The following NUDCD1 variants were observed in gnomAD, a reference collection of about 807,000 sequenced individuals.
NUDCD1 encodes nudC domain-containing protein 1.
A neutral mutation model predicts 67.8 loss-of-function variants in NUDCD1; 60 were observed. The ratio of observed to expected loss-of-function variants is 0.88; its 90% CI spans 0.72 to 1.10. The LOEUF (loss-of-function observed/expected upper bound fraction) is 1.10, where lower values mean the gene tolerates loss of function less well. NUDCD1 is among the 50% of genes least tolerant of loss of function. NUDCD1 has a pLI of 0.00. For missense variants in NUDCD1, 643 were observed against 695.0 expected, an observed-to-expected ratio of 0.93 and a Z score of 0.84; for synonymous variants, 244 against 230.8, an observed-to-expected ratio of 1.06 and a Z score of -0.52.
At chr8:109,311,557 G>GTATATATATA (rs569380890) in intron 2 of NUDCD1, among the ~76,000 whole-genome samples, 8 of 62,666 alleles carry the variant, frequency 1.3e-4, no homozygotes, top group Admixed American at 3.0e-4. Flanking sequence ...AGAAACTGTG[G>GTATATATATA]TGTATATATA....
At chr8:109,285,386 G>A (rs185610545) in intron 5 of NUDCD1, among the ~76,000 whole-genome samples, 92 of 152,126 alleles carry the variant, frequency 6.0e-4, no homozygotes, top group African/African-American at 2.1e-3. Context: ...CAATATCCCC[G>A]ATGAACATAC....
At chr8:109,276,481 G>A (rs978883093) in intron 6 of NUDCD1, among the ~76,000 whole-genome samples, 2 of 152,056 alleles carry the variant, frequency 1.3e-5, no homozygotes, top group Admixed American at 1.3e-4. Flanking sequence ...TTATCAAATA[G>A]GACACGCAAA....
chr8:109,263,216 G>A (rs1186126854), intron 8 of NUDCD1, among the ~76,000 whole-genome samples: 1 of 152,032 alleles, frequency 6.6e-6, no homozygotes, highest in African/African-American at 2.4e-5. Flanking sequence ...AAAGAACTTT[G>A]TTCACACAGG....
rs565605587 is a variant in NUDCD1 at position 109,288,984 on chromosome 8, C to CT, written c.823+766dup. On this transcript the variant is annotated intron_variant, in intron 5 of 9. Transcript: ENST00000239690. ...TTCTGAAATTTCTTGTTAGTCTTTTCTTTTTTTTTTTTTGAGACAGTCTCG... is the reference window on the plus strand; with the variant it reads ...TTCTGAAATTTCTTGTTAGTCTTTTCTTTTTTTTTTTTTTGAGACAGTCTCG... Among the ~76,000 whole-genome samples, 677 of 143,446 alleles carry CT rather than the reference C, an allele frequency of 4.7e-3. 4 individuals carry two copies. Among genetic ancestry groups the CT allele is most frequent in the Admixed American group, 0.011 (153 of 14,360 alleles). 94.1% of individuals were successfully genotyped at this position (143,446 alleles called of 152,430 possible). A position where few individuals can be genotyped will look rare whatever the true frequency, so the allele number is the denominator to read the frequency against.
At position 109,281,179 on chromosome 8, in the gene NUDCD1, G is replaced by C. The variant is rs200566510; in HGVS notation, c.824-7C>G. ...TGCCAGTAATACAGAGGTTCTATTGGGAAAAGAAAAATGCATCATGTAATA... is the reference window on the plus strand; with the variant it reads ...TGCCAGTAATACAGAGGTTCTATTGCGAAAAGAAAAATGCATCATGTAATA... On this transcript the variant is annotated splice_region_variant and splice_polypyrimidine_tract_variant and intron_variant, in intron 5 of 9. Transcript: ENST00000239690. The C allele has an allele frequency of 5.0e-6, 8 of 1,586,070 alleles. No homozygotes were observed. In the East Asian group the frequency reaches 1.8e-4, roughly 36 times the overall value.
At chr8:109,276,440 A>C (rs1814290529) in intron 6 of NUDCD1, among the ~76,000 whole-genome samples, 1 of 152,226 alleles carries the variant, frequency 6.6e-6, no homozygotes, top group South Asian at 2.1e-4. Context: ...CCTGGAACAC[A>C]ACTGCAAGAA....
intron 2 of NUDCD1, among the ~76,000 whole-genome samples, chr8:109,307,518 C>T (rs1017769858): frequency 6.6e-6 from 1 of 152,146 alleles, no homozygotes; most frequent in Non-Finnish European, 1.5e-5. Context: ...TCTAGAAACA[C>T]ATCAAAACAG....
chr8:109,293,909 G>C (rs930751667), intron 3 of NUDCD1, among the ~76,000 whole-genome samples: 1 of 151,898 alleles, frequency 6.6e-6, no homozygotes, highest in African/African-American at 2.4e-5. Flanking sequence ...ACCAAAACAT[G>C]TTTTTTCTCA....
At chr8:109,264,751 T>C (rs895480875) in intron 8 of NUDCD1, among the ~76,000 whole-genome samples, 6 of 152,116 alleles carry the variant, frequency 3.9e-5, no homozygotes, top group African/African-American at 1.2e-4. Flanking sequence ...CAGTATCATA[T>C]TGCAAGAGAT....
chr8:109,277,840 T>A (rs979976873), intron 6 of NUDCD1, among the ~76,000 whole-genome samples: 3 of 152,160 alleles, frequency 2.0e-5, no homozygotes, highest in African/African-American at 7.2e-5. Flanking sequence ...CACATACACA[T>A]AAACATAATT....
chr8:109,320,498 T>A (rs1187052621), intron 2 of NUDCD1, among the ~76,000 whole-genome samples: 3 of 152,248 alleles, frequency 2.0e-5, no homozygotes, highest in Non-Finnish European at 4.4e-5. Context: ...ACAATTGCTG[T>A]TATCCTGTTC....
At chr8:109,289,995 A>G in intron 4 of NUDCD1, 62 bp from the exon 5 acceptor site, 2 of 721,310 alleles carry the variant, frequency 2.8e-6, no homozygotes, top group Non-Finnish European at 4.3e-6. Context: ...AAATATTCTG[A>G]TATTTAAAAA....
chr8:109,267,319 T>C (rs932798266), intron 8 of NUDCD1, among the ~76,000 whole-genome samples: 1 of 152,114 alleles, frequency 6.6e-6, no homozygotes. Context: ...TTGTTTTTAT[T>C]TGTGTGTCCA....
chr8:109,258,195 T>C (rs959740761), intron 8 of NUDCD1, among the ~76,000 whole-genome samples: 2 of 152,156 alleles, frequency 1.3e-5, no homozygotes, highest in Non-Finnish European at 2.9e-5. Context: ...AACTGATTTT[T>C]GCATATGGTA....
intron 8 of NUDCD1, among the ~76,000 whole-genome samples, chr8:109,263,076 A>AAC (rs1813909677): frequency 6.7e-6 from 1 of 150,112 alleles, no homozygotes; most frequent in Non-Finnish European, 1.5e-5. Context: ...AAAAAAAAAA[A>AAC]AAACCCTGAA....
chr8:109,282,958 A>G (rs112268543), intron 5 of NUDCD1, among the ~76,000 whole-genome samples: 3,153 of 152,270 alleles, frequency 0.021, 110 homozygotes, highest in African/African-American at 0.072. Flanking sequence ...CAAAATAGAC[A>G]CTCAGAAAAA....
intron 4 of NUDCD1, among the ~76,000 whole-genome samples, chr8:109,291,005 T>C (rs1014338918): frequency 1.3e-5 from 2 of 151,966 alleles, no homozygotes; most frequent in African/African-American, 4.8e-5. Flanking sequence ...GGGCCAAAAG[T>C]CCTACTTGAC....
intron 8 of NUDCD1, among the ~76,000 whole-genome samples, chr8:109,257,119 A>G (rs147990000): frequency 8.5e-5 from 13 of 152,278 alleles, no homozygotes; most frequent in Admixed American, 3.3e-4. Flanking sequence ...CTCATCACTG[A>G]TATCTGCATT....
intron 8 of NUDCD1, among the ~76,000 whole-genome samples, chr8:109,258,757 GCACTGAAGGCTTGA>G (rs1813797283): frequency 6.6e-6 from 1 of 152,066 alleles, no homozygotes; most frequent in Non-Finnish European, 1.5e-5. Context: ...GAATTCTACT[GCACTGAAGGCTTGA>G]CACTGTACAG....
Sources: allele counts gnomAD v4.1 joint callset (sites outside exome capture counted in the v4.1 genomes callset), GRCh38; gene constraint gnomAD v4.1.1; transcripts MANE v1.5; gene names NCBI Gene and HGNC (gene_info 2026-07-23, HGNC 2026-07-21).